CCDC12: variants seen among roughly 807,000 people sequenced by gnomAD.
CCDC12 encodes coiled-coil domain containing 12, also known as coiled-coil domain-containing protein 12.
A neutral mutation model predicts 25.7 loss-of-function variants in CCDC12; 28 were observed. That is an observed-to-expected ratio of 1.09 (90% CI 0.81 to 1.50). CCDC12 has a LOEUF of 1.50. CCDC12 is among the 40% of genes most tolerant of loss of function. The pLI is 0.00. For synonymous variants in CCDC12, 75 were observed against 87.7 expected (o/e 0.86, Z 0.81); for missense variants, 198 against 210.0 (o/e 0.94, Z 0.35).
intron 2 of CCDC12, among the ~76,000 whole-genome samples, chr3:46,931,341 C>T (rs1348960199): frequency 6.6e-6 from 1 of 152,164 alleles, no homozygotes; most frequent in Non-Finnish European, 1.5e-5. Context: ...TGAGAGGAAG[C>T]AGGTGGAGAA....
chr3:46,954,423 G>C (rs894586890), intron 1 of CCDC12, among the ~76,000 whole-genome samples: 1 of 152,032 alleles, frequency 6.6e-6, no homozygotes, highest in Non-Finnish European at 1.5e-5. Context: ...ATACCCTTTC[G>C]CCTCCCACAC....
At chr3:46,976,788 G>A, upstream of CCDC12, 2 of 1,557,080 alleles carry the variant, frequency 1.3e-6, no homozygotes, top group Non-Finnish European at 1.7e-6. Flanking sequence ...GGCCTAAGGA[G>A]AGTGGATAAA....
At chr3:46,978,077 T>C (rs576702127), upstream of CCDC12, among the ~76,000 whole-genome samples, 15 of 152,064 alleles carry the variant, frequency 9.9e-5, no homozygotes, top group Non-Finnish European at 1.9e-4. Context: ...CCTCCCTGAG[T>C]CTTCCCTTCC....
intron 2 of CCDC12, among the ~76,000 whole-genome samples, chr3:46,940,288 G>A (rs576405894): frequency 6.6e-6 from 1 of 152,184 alleles, no homozygotes; most frequent in African/African-American, 2.4e-5. Flanking sequence ...TCAAGACTGC[G>A]GGGGAAGACC....
At chr3:46,976,253 C>T in intron 1 of CCDC12, 1 of 1,007,408 alleles carries the variant, frequency 9.9e-7, no homozygotes, top group Non-Finnish European at 1.2e-6. Context: ...GACTCAGAAT[C>T]GAAGGCGGGG....
intron 1 of CCDC12, among the ~76,000 whole-genome samples, chr3:46,949,284 G>C (rs987356286): frequency 7.2e-5 from 11 of 152,120 alleles, no homozygotes; most frequent in African/African-American, 2.7e-4. Flanking sequence ...GGGACGGAGG[G>C]GGAAGAGAGC....
intron 1 of CCDC12, among the ~76,000 whole-genome samples, chr3:46,960,258 G>A (rs7638549): frequency 0.95 from 144,625 of 152,164 alleles, 69,185 homozygotes; most frequent in East Asian, 1. Context: ...AATAACACTT[G>A]TAACAGCCAG....
At chr3:46,976,957 C>CA (rs34971711), upstream of CCDC12, 5,790 of 310,042 alleles carry the variant, frequency 0.019, 41 homozygotes, top group African/African-American at 0.07. Context: ...GGGGAGCCAG[C>CA]AAAAAAAAAA....
chr3:46,976,951 A>T, upstream of CCDC12: 18 of 369,454 alleles, frequency 4.9e-5, no homozygotes, highest in Middle Eastern at 6.9e-4. Context: ...GTGGGTGGGG[A>T]GCCAGCAAAA....
At chr3:46,924,593 C>T (rs4683299) in intron 3 of CCDC12, among the ~76,000 whole-genome samples, 92,196 of 152,152 alleles carry the variant, frequency 0.61, 28,174 homozygotes, top group Non-Finnish European at 0.64. Context: ...ACCTGGAATC[C>T]CAGCACTTTG....
chr3:46,974,824 C>T (rs1261902266), intron 1 of CCDC12, among the ~76,000 whole-genome samples: 1 of 152,216 alleles, frequency 6.6e-6, no homozygotes, highest in Non-Finnish European at 1.5e-5. Context: ...TCTAAAACTA[C>T]GGCCCTCATT....
At position 46,972,125 on chromosome 3, in the gene CCDC12, C is replaced by T. The variant is rs190787361; in HGVS notation, c.96+4512G>A. Among the ~76,000 whole-genome samples, 4 of 152,280 alleles carry T rather than the reference C, an allele frequency of 2.6e-5. No individual in the cohort carries two copies. In the East Asian group the frequency reaches 7.7e-4, roughly 29 times the overall value. On this transcript the variant is annotated intron_variant, in intron 1 of 6. Transcript: ENST00000683445. ...ACACTAAAAATACATGCAACAAAAT[C>T]AAAAACAGATAAATTGAACTTCATC...
At chr3:46,930,095 G>C (rs1487593991) in intron 2 of CCDC12, among the ~76,000 whole-genome samples, 1 of 144,644 alleles carries the variant, frequency 6.9e-6, no homozygotes, top group Non-Finnish European at 1.5e-5. Flanking sequence ...GGCTGGACTT[G>C]ATCTCCTGGG....
chr3:46,957,807 G>C (rs563008422), intron 1 of CCDC12, among the ~76,000 whole-genome samples: 25 of 152,126 alleles, frequency 1.6e-4, no homozygotes, highest in Admixed American at 5.2e-4. Flanking sequence ...GCCGAGCATG[G>C]TGGCAGGCGC....
intron 2 of CCDC12, among the ~76,000 whole-genome samples, chr3:46,926,305 T>C (rs548115337): frequency 2.0e-5 from 3 of 152,074 alleles, no homozygotes; most frequent in African/African-American, 7.2e-5. Flanking sequence ...TCCAAGACTG[T>C]TGAGAGTGGC....
intron 1 of CCDC12, among the ~76,000 whole-genome samples, chr3:46,951,826 T>TATAA (rs1460071732): frequency 5.6e-5 from 2 of 35,714 alleles, no homozygotes; most frequent in Non-Finnish European, 1.5e-4. Flanking sequence ...TATATATACT[T>TATAA]AATGAGGATC....
chr3:46,953,576 A>T (rs1442144851), intron 1 of CCDC12, among the ~76,000 whole-genome samples: 3 of 151,920 alleles, frequency 2.0e-5, no homozygotes, highest in Non-Finnish European at 4.4e-5. Flanking sequence ...CTAAATGGGG[A>T]AGCAGGAAAC....
At chr3:46,963,337 T>C (rs983144872) in intron 1 of CCDC12, among the ~76,000 whole-genome samples, 1 of 152,276 alleles carries the variant, frequency 6.6e-6, no homozygotes, top group Non-Finnish European at 1.5e-5. Context: ...TATAAAGTCA[T>C]TAAAAAGAAA....
chr3:46,980,571 A>G (rs2107234431), upstream of CCDC12, among the ~76,000 whole-genome samples: 1 of 147,984 alleles, frequency 6.8e-6, no homozygotes, highest in South Asian at 2.3e-4. Context: ...TTTCCTCTGG[A>G]TGCCCAGGGT....
Sources: gnomAD v4.1 joint callset for allele counts (sites outside exome capture counted in the v4.1 genomes callset) on GRCh38, gnomAD v4.1.1 for gene constraint, MANE v1.5 for transcripts, NCBI Gene and HGNC (gene_info 2026-07-23, HGNC 2026-07-21) for gene names.